SLC14A2: variants seen among roughly 807,000 people sequenced by gnomAD.
The protein encoded by SLC14A2 is solute carrier family 14 member 2.
In SLC14A2, 91 loss-of-function variants were observed where a neutral mutation model predicts 104.6. That is an observed-to-expected ratio of 0.87 (90% CI 0.73 to 1.04). The LOEUF is 1.04. SLC14A2 is among the 50% of genes least tolerant of loss of function. SLC14A2 has a pLI of 0.00. For missense variants in SLC14A2, 1,189 were observed against 1,156.0 expected (o/e 1.03, Z -0.41); for synonymous variants, 476 against 466.4 (o/e 1.02, Z -0.27).
chr18:45,598,698 T>A (rs551433011), intron 2 of SLC14A2, among the ~76,000 whole-genome samples: 61 of 152,268 alleles, frequency 4.0e-4, no homozygotes, highest in African/African-American at 1.4e-3. Flanking sequence ...AAGAGGTGGG[T>A]CTGCATTGGC....
intron 1 of SLC14A2, among the ~76,000 whole-genome samples, chr18:45,324,754 C>A (rs1044888646): frequency 1.3e-5 from 2 of 151,404 alleles, no homozygotes; most frequent in Non-Finnish European, 2.9e-5. Context: ...CAGCCACCGC[C>A]CCCCACCCCC....
At chr18:45,520,585 A>G (rs2043503776) in intron 2 of SLC14A2, among the ~76,000 whole-genome samples, 1 of 152,238 alleles carries the variant, frequency 6.6e-6, no homozygotes, top group African/African-American at 2.4e-5. Flanking sequence ...TGCATGTCAA[A>G]TGAGCTAGAT....
chr18:45,171,621 C>A, the SLC14A2 span, among the ~76,000 whole-genome samples: 106 of 152,248 alleles, frequency 7.0e-4, 1 homozygote, highest in Non-Finnish European at 7.5e-4. Context: ...TCTCTCCCCT[C>A]ATTTACAGAT....
At chr18:45,172,839 A>G in the SLC14A2 span, among the ~76,000 whole-genome samples, 4 of 152,154 alleles carry the variant, frequency 2.6e-5, no homozygotes, top group Admixed American at 6.6e-5. Context: ...CAAAACAGCT[A>G]CTAAAGATTA....
intron 1 of SLC14A2, among the ~76,000 whole-genome samples, chr18:45,261,856 C>T (rs1259468336): frequency 1.3e-5 from 2 of 152,080 alleles, no homozygotes; most frequent in South Asian, 2.1e-4. Flanking sequence ...TGAATAGTGC[C>T]GCAATAAACG....
intron 1 of SLC14A2, among the ~76,000 whole-genome samples, chr18:45,258,890 T>C (rs998646720): frequency 1.3e-5 from 2 of 152,196 alleles, no homozygotes. Context: ...CTCAATGTAG[T>C]TTCTTCAAAT....
chr18:45,174,853 G>T, the SLC14A2 span, among the ~76,000 whole-genome samples: 4 of 152,074 alleles, frequency 2.6e-5, no homozygotes, highest in East Asian at 7.7e-4. Flanking sequence ...AATGCAAAAG[G>T]CTCTTAAATG....
At chr18:45,187,034 T>C in the SLC14A2 span, among the ~76,000 whole-genome samples, 1 of 152,080 alleles carries the variant, frequency 6.6e-6, no homozygotes, top group East Asian at 1.9e-4. Context: ...CATTAGATGG[T>C]TTTCAGAAAT....
chr18:45,481,052 G>T (rs1011067895), intron 1 of SLC14A2, among the ~76,000 whole-genome samples: 3 of 152,068 alleles, frequency 2.0e-5, no homozygotes, highest in Non-Finnish European at 4.4e-5. Context: ...CACTGGCAGG[G>T]TTGTCAGACA....
At chr18:45,306,549 A>G (rs1568144371) in intron 1 of SLC14A2, among the ~76,000 whole-genome samples, 1 of 152,210 alleles carries the variant, frequency 6.6e-6, no homozygotes, top group Non-Finnish European at 1.5e-5. Flanking sequence ...TTAATTTCAT[A>G]TAATTTTCAC....
chr18:45,408,547 A>T (rs2086181247), intron 1 of SLC14A2, among the ~76,000 whole-genome samples: 1 of 152,214 alleles, frequency 6.6e-6, no homozygotes, highest in Non-Finnish European at 1.5e-5. Flanking sequence ...GGGATCTCCA[A>T]GAGTTGCTTC....
At position 45,668,026 on chromosome 18, in the gene SLC14A2, A is replaced by T; in HGVS notation, c.1907+4A>T. On this transcript the variant is annotated splice_donor_region_variant and intron_variant, in intron 14 of 19. Coordinates refer to ENST00000255226, the MANE Select transcript of SLC14A2 (RefSeq NM_007163.4). Reference sequence around the variant, plus strand: ...CCCTCATCCTGAGTCAGGACAAGTAAGTCCCAGAGGCTCAGGGTCCAAACA... The same window carrying T: ...CCCTCATCCTGAGTCAGGACAAGTATGTCCCAGAGGCTCAGGGTCCAAACA... 6.2e-7 allele frequency: 1 copy of T among 1,613,820 alleles called. No individual in the cohort carries two copies. The highest frequency in any genetic ancestry group is 8.5e-7 in the Non-Finnish European group (1 of 1,179,752).
chr18:45,638,506 A>T (rs1000417763), intron 6 of SLC14A2, among the ~76,000 whole-genome samples: 2 of 152,210 alleles, frequency 1.3e-5, no homozygotes, highest in Non-Finnish European at 2.9e-5. Context: ...ACAGTAGATC[A>T]TCTATAACTA....
intron 1 of SLC14A2, among the ~76,000 whole-genome samples, chr18:45,398,414 T>C (rs1416779910): frequency 1.3e-5 from 2 of 152,190 alleles, no homozygotes; most frequent in Admixed American, 6.5e-5. Flanking sequence ...GCAGCAGGGA[T>C]TGGGCAGGCA....
At position 45,524,496 on chromosome 18, in the gene SLC14A2, G is replaced by C. The variant is rs1598959428; in HGVS notation, c.-35+41174G>C. 7.9e-5 allele frequency among the ~76,000 whole-genome samples: 12 copies of C among 152,290 alleles called. No homozygotes were observed. In the South Asian group the frequency reaches 2.5e-3, roughly 32 times the overall value. ...CCAGCTGGACCTGAGGTGAGAGGAA[G>C]GGTTGGACACTGGCCTCAAGGAAGC... is the stretch of plus-strand genomic sequence containing the variant. On this transcript the variant is annotated intron_variant, in intron 2 of 20. Transcript: ENST00000586448.
At chr18:45,393,005 T>C (rs1344966507) in intron 1 of SLC14A2, among the ~76,000 whole-genome samples, 1 of 152,224 alleles carries the variant, frequency 6.6e-6, no homozygotes, top group East Asian at 1.9e-4. Context: ...GTTAACTTTA[T>C]GCCTATGATC....
At chr18:45,296,674 G>A (rs2144179871) in intron 1 of SLC14A2, among the ~76,000 whole-genome samples, 1 of 152,258 alleles carries the variant, frequency 6.6e-6, no homozygotes, top group Admixed American at 6.5e-5. Context: ...AGCTCTGTAG[G>A]CCCACTGGTA....
chr18:45,644,352 T>C (rs559660751), intron 10 of SLC14A2, 192 bp downstream of exon 10: 160 of 529,364 alleles, frequency 3.0e-4, no homozygotes, highest in Middle Eastern at 9.1e-4. Flanking sequence ...TCTCCATAAC[T>C]ATCTATTGTG....
upstream of SLC14A2, among the ~76,000 whole-genome samples, chr18:45,612,985 T>A (rs577839614): frequency 5.9e-5 from 9 of 152,226 alleles, no homozygotes; most frequent in South Asian, 1.9e-3. Flanking sequence ...TGTGGAAATG[T>A]GAGTCAATTA....
Sources: allele counts gnomAD v4.1 joint callset (sites outside exome capture counted in the v4.1 genomes callset), GRCh38; gene constraint gnomAD v4.1.1; transcripts MANE v1.5; gene names NCBI Gene and HGNC (gene_info 2026-07-23, HGNC 2026-07-21).